GABRG2: variants seen among roughly 807,000 people sequenced by gnomAD.
The protein encoded by GABRG2 is gamma-aminobutyric acid type A receptor subunit gamma2.
Under a neutral mutation model 56.4 loss-of-function variants are expected in GABRG2, and 16 were observed. That is an observed-to-expected ratio of 0.28 (90% confidence interval 0.19 to 0.43). The LOEUF (loss-of-function observed/expected upper bound fraction) is 0.43, where lower values mean the gene tolerates loss of function less well. Ranked by LOEUF, GABRG2 falls within the 20% of genes least tolerant of loss-of-function variation. The pLI is 1.00. For missense variants in GABRG2, 327 were observed against 582.7 expected (o/e 0.56, Z 4.52); for synonymous variants, 208 against 205.5 (o/e 1.01, Z -0.10).
chr5:162,108,057 C>T (rs1761962601), intron 6 of GABRG2, among the ~76,000 whole-genome samples: 2 of 152,168 alleles, frequency 1.3e-5, no homozygotes, highest in African/African-American at 4.8e-5. Flanking sequence ...AAATGATCTG[C>T]TTTCTCATAA....
At chr5:162,146,285 T>A (rs2113618710) in intron 7 of GABRG2, among the ~76,000 whole-genome samples, 1 of 152,222 alleles carries the variant, frequency 6.6e-6, no homozygotes, top group South Asian at 2.1e-4. Context: ...TCGGGCTGCC[T>A]AGGTTTGTAT....
intron 1 of GABRG2, among the ~76,000 whole-genome samples, chr5:162,090,170 A>T (rs1235219836): frequency 2.6e-5 from 4 of 152,124 alleles, no homozygotes; most frequent in African/African-American, 9.7e-5. Flanking sequence ...TGAATAATCT[A>T]ATATACAACA....
intron 8 of GABRG2, chr5:162,150,966 G>A (rs1328955030): frequency 1.3e-5 from 2 of 151,904 alleles, no homozygotes; most frequent in Middle Eastern, 3.2e-3. Context: ...GCTCCCTCTT[G>A]TTCACTTTCC....
intron 7 of GABRG2, among the ~76,000 whole-genome samples, chr5:162,147,714 G>A (rs148581367): frequency 6.6e-6 from 1 of 152,102 alleles, no homozygotes; most frequent in African/African-American, 2.4e-5. Context: ...AGGAGAATCT[G>A]GCTGTCCCCT....
At chr5:162,092,693 A>G (rs1392234790) in intron 1 of GABRG2, among the ~76,000 whole-genome samples, 12 of 152,288 alleles carry the variant, frequency 7.9e-5, no homozygotes, top group Admixed American at 7.9e-4. Context: ...ATGAATATAT[A>G]CATTTATTTA....
At position 162,108,435 on chromosome 5, in the gene GABRG2, T is replaced by C. The variant is rs568209411; in HGVS notation, c.769+4409T>C. On this transcript the variant is annotated intron_variant, in intron 6 of 9. Coordinates refer to ENST00000639213, the MANE Select transcript of GABRG2 (RefSeq NM_198904.4). ...TTAACTAACCAGTCTTACACTCACA[T>C]TGAATCTCAATCTCTTTCTGTTTTG... Among the ~76,000 whole-genome samples the C allele has an allele frequency of 8.5e-5, 13 of 152,308 alleles. No homozygotes were observed. In the South Asian group the frequency reaches 1.0e-3, roughly 12 times the overall value.
At chr5:162,101,510 G>T (rs1015794365) in intron 5 of GABRG2, 193 bp downstream of exon 5, 52 of 607,218 alleles carry the variant, frequency 8.6e-5, no homozygotes, top group Middle Eastern at 2.6e-4. Flanking sequence ...CAAAAGAAGG[G>T]CTGATTTTAT....
intron 6 of GABRG2, among the ~76,000 whole-genome samples, chr5:162,107,617 G>C (rs187251020): frequency 2.0e-5 from 3 of 152,214 alleles, no homozygotes; most frequent in African/African-American, 4.8e-5. Flanking sequence ...TTTCCCCTGT[G>C]GTGGGTCGAT....
At chr5:162,070,959 T>C (rs1394862353) in intron 1 of GABRG2, among the ~76,000 whole-genome samples, 1 of 151,806 alleles carries the variant, frequency 6.6e-6, no homozygotes, top group East Asian at 1.9e-4. Context: ...TAAAGGTGTT[T>C]TGATTATTCA....
chr5:162,125,205 T>G (rs1376791365), intron 6 of GABRG2, among the ~76,000 whole-genome samples: 3 of 151,960 alleles, frequency 2.0e-5, no homozygotes, highest in Admixed American at 6.6e-5. Context: ...TGCCTATTTT[T>G]TTCTCTTAAT....
rs1404035057 is a variant in GABRG2 at position 162,155,067 on chromosome 5, TA to T, written c.*1704del. 1 of 152,436 alleles carries T rather than the reference TA, an allele frequency of 6.6e-6. No homozygotes were observed. The highest frequency in any genetic ancestry group is 2.4e-5 in the African/African-American group (1 of 41,398). 9.4% of individuals were successfully genotyped at this position (152,436 alleles called of 1,614,324 possible). A position where few individuals can be genotyped will look rare whatever the true frequency, so the allele number is the denominator to read the frequency against. On this transcript the variant is annotated 3_prime_UTR_variant, in exon 10 of 10. Coordinates refer to ENST00000639213, the MANE Select transcript of GABRG2 (RefSeq NM_198904.4). ...AGCTAGTATAACTTTACAGATAACC[TA>T]AAAAGAATAGAAAAGAAGAGAGAGT...
chr5:162,080,100 G>T (rs948762015), intron 1 of GABRG2, among the ~76,000 whole-genome samples: 2 of 152,082 alleles, frequency 1.3e-5, no homozygotes, highest in African/African-American at 2.4e-5. Context: ...ATTCCTTCCC[G>T]CCTACTTCCT....
intron 8 of GABRG2, chr5:162,151,030 C>G (rs950662057): frequency 6.6e-6 from 1 of 152,164 alleles, no homozygotes; most frequent in Non-Finnish European, 1.5e-5. Context: ...TATTACCTGC[C>G]AGCTATAACA....
intron 1 of GABRG2, 72 bp from the exon 2 acceptor site, chr5:162,093,756 A>G (rs1403065798): frequency 8.9e-6 from 12 of 1,349,678 alleles, no homozygotes; most frequent in Non-Finnish European, 1.3e-5. Context: ...CTTCTTTTCC[A>G]CTGGTGGTCT....
intron 1 of GABRG2, among the ~76,000 whole-genome samples, chr5:162,073,702 G>A (rs926780589): frequency 1.3e-5 from 2 of 151,786 alleles, no homozygotes; most frequent in Non-Finnish European, 2.9e-5. Context: ...CAACAGAAAA[G>A]CTCTTATGTT....
chr5:162,130,618 C>T (rs754741604), intron 6 of GABRG2, among the ~76,000 whole-genome samples: 7 of 151,824 alleles, frequency 4.6e-5, no homozygotes, highest in Non-Finnish European at 7.4e-5. Flanking sequence ...CTGGGTTTGG[C>T]GTTATATTTA....
intron 6 of GABRG2, among the ~76,000 whole-genome samples, chr5:162,111,499 T>C (rs2113421951): frequency 6.6e-6 from 1 of 152,262 alleles, no homozygotes; most frequent in South Asian, 2.1e-4. Flanking sequence ...ATGTCATTTC[T>C]GCTTATGTTC....
chr5:162,140,337 G>C (rs1331367101), intron 6 of GABRG2, among the ~76,000 whole-genome samples: 1 of 152,128 alleles, frequency 6.6e-6, no homozygotes, highest in African/African-American at 2.4e-5. Flanking sequence ...AGTGTTAAGA[G>C]GCATTCAAAA....
At chr5:162,089,605 C>G (rs1053167352) in intron 1 of GABRG2, among the ~76,000 whole-genome samples, 2 of 151,796 alleles carry the variant, frequency 1.3e-5, no homozygotes, top group African/African-American at 4.8e-5. Context: ...TTAGTGACAC[C>G]AATGTTATGA....
Sources: allele counts gnomAD v4.1 joint callset (sites outside exome capture counted in the v4.1 genomes callset), GRCh38; gene constraint gnomAD v4.1.1; transcripts MANE v1.5; gene names NCBI Gene and HGNC (gene_info 2026-07-23, HGNC 2026-07-21).